The following RARB variants were observed in gnomAD, a reference collection of about 807,000 sequenced individuals.
RARB encodes HBV-activated protein.
A neutral mutation model predicts 51.9 loss-of-function variants in RARB; 17 were observed. The observed-to-expected ratio is 0.33, with a 90% CI of 0.22 to 0.49. The LOEUF (loss-of-function observed/expected upper bound fraction) is 0.49. Ranked by LOEUF, RARB falls within the 20% of genes least tolerant of loss-of-function variation. The pLI, the probability that RARB is intolerant of heterozygous loss-of-function variation, is 0.99. For missense variants in RARB, 369 were observed against 550.8 expected (o/e 0.67, Z 3.30); for synonymous variants, 215 against 195.4 (o/e 1.10, Z -0.84).
At chr3:24,926,713 G>A (rs1156727558) in intron 2 of RARB, among the ~76,000 whole-genome samples, 6 of 151,978 alleles carry the variant, frequency 3.9e-5, no homozygotes, top group Admixed American at 3.9e-4. Context: ...ATGACACCTG[G>A]ACAGGCATAT....
At chr3:24,934,433 TTC>T (rs1246109603) in intron 2 of RARB, among the ~76,000 whole-genome samples, 4 of 152,124 alleles carry the variant, frequency 2.6e-5, no homozygotes, top group African/African-American at 9.7e-5. Flanking sequence ...ACTTTTGTCT[TTC>T]TGAGTTACAC....
intron 5 of RARB, among the ~76,000 whole-genome samples, chr3:25,306,400 G>T (rs770336661): frequency 1.3e-5 from 2 of 151,918 alleles, no homozygotes; most frequent in Admixed American, 6.6e-5. Flanking sequence ...GGCCTTGAAT[G>T]ATTTTTTGTT....
At chr3:25,196,693 T>TA (rs1241273601) in intron 5 of RARB, among the ~76,000 whole-genome samples, 23 of 152,192 alleles carry the variant, frequency 1.5e-4, no homozygotes, top group Admixed American at 5.2e-4. Flanking sequence ...ACCAACAGTG[T>TA]AAAGTGTTCC....
Position 24,829,767 on chromosome 3 carries a change from A to G in RARB, c.-459+364A>G, listed in dbSNP as rs894356395. Reference sequence around the variant, plus strand: ...CCCTCCCCAGGGGCGTGAACCCAGGAGTCGCTGGCAAGTTGCACCTGCCAG... The same window carrying G: ...CCCTCCCCAGGGGCGTGAACCCAGGGGTCGCTGGCAAGTTGCACCTGCCAG... On this transcript the variant is annotated intron_variant, in intron 1 of 11. Coordinates refer to the RARB transcript ENST00000383772. Among the ~76,000 whole-genome samples, 6 of 152,172 alleles carry G rather than the reference A, an allele frequency of 3.9e-5. No homozygotes were observed. In the East Asian group the frequency reaches 1.2e-3, roughly 29 times the overall value.
chr3:24,943,272 G>C (rs543580888), intron 2 of RARB, among the ~76,000 whole-genome samples: 98 of 152,292 alleles, frequency 6.4e-4, no homozygotes, highest in Admixed American at 2.6e-3. Context: ...ACTTGGTGAA[G>C]GTTATTAAGA....
At chr3:24,943,825 A>C (rs1695719620) in intron 2 of RARB, among the ~76,000 whole-genome samples, 1 of 152,214 alleles carries the variant, frequency 6.6e-6, no homozygotes, top group African/African-American at 2.4e-5. Flanking sequence ...TTGAAAACTT[A>C]GCATTCAGTG....
chr3:25,404,205 C>G (rs1340546181), intron 5 of RARB, among the ~76,000 whole-genome samples: 1 of 152,168 alleles, frequency 6.6e-6, no homozygotes, highest in Non-Finnish European at 1.5e-5. Context: ...TTACTTCATT[C>G]TTTCCAGGGG....
chr3:24,876,939 C>A (rs565566510), intron 2 of RARB, among the ~76,000 whole-genome samples: 2 of 152,202 alleles, frequency 1.3e-5, no homozygotes, highest in Non-Finnish European at 2.9e-5. Flanking sequence ...CAAGAAAAAT[C>A]ATTTTATTAA....
At chr3:24,955,722 A>C (rs944028207) in intron 2 of RARB, among the ~76,000 whole-genome samples, 11 of 152,110 alleles carry the variant, frequency 7.2e-5, no homozygotes, top group Non-Finnish European at 1.6e-4. Context: ...GGGGATGTTA[A>C]CAATTTTTTT....
In RARB at chr3:25,221,483, T is replaced by C. The variant is rs148694435; in HGVS notation, c.178+46908T>C. On this transcript the variant is annotated intron_variant, in intron 5 of 11. Transcript: ENST00000383772. ...GTGGTAGTGATTATTCTTAGAAGTT[T>C]AATAAATAATCCTCCTTTGTCATCA... Among the ~76,000 whole-genome samples, 82 of 152,320 alleles carry C rather than the reference T, an allele frequency of 5.4e-4. 1 individual carries two copies. In the East Asian group the frequency reaches 0.011, roughly 21 times the overall value.
At chr3:25,336,649 A>C (rs2125448283) in intron 5 of RARB, among the ~76,000 whole-genome samples, 1 of 152,272 alleles carries the variant, frequency 6.6e-6, no homozygotes, top group African/African-American at 2.4e-5. Context: ...GGTACTTGAA[A>C]CAAATTCTCA....
At chr3:24,959,439 G>A (rs1269959376) in intron 2 of RARB, among the ~76,000 whole-genome samples, 1 of 152,140 alleles carries the variant, frequency 6.6e-6, no homozygotes, top group Non-Finnish European at 1.5e-5. Flanking sequence ...CCGGTGTTCA[G>A]CTGCTGCTTC....
intron 2 of RARB, among the ~76,000 whole-genome samples, chr3:24,998,686 T>C (rs1697095442): frequency 6.6e-6 from 1 of 152,176 alleles, no homozygotes; most frequent in African/African-American, 2.4e-5. Flanking sequence ...ACATTCCTTT[T>C]TTATATGTCT....
chr3:25,104,559 G>A (rs922219510), intron 3 of RARB, among the ~76,000 whole-genome samples: 8 of 152,152 alleles, frequency 5.3e-5, no homozygotes, highest in Non-Finnish European at 1.2e-4. Context: ...TAGGAGGATT[G>A]CTTGAGCCTA....
At chr3:25,425,841 C>G (rs140820624), upstream of RARB, among the ~76,000 whole-genome samples, 279 of 152,330 alleles carry the variant, frequency 1.8e-3, 1 homozygote, top group African/African-American at 6.3e-3. Context: ...CTTCACTTCC[C>G]TGGGACCAGT....
intron 5 of RARB, among the ~76,000 whole-genome samples, chr3:25,410,627 G>A (rs938394617): frequency 4.6e-5 from 7 of 152,124 alleles, no homozygotes; most frequent in East Asian, 1.9e-4. Context: ...TAGAAAACAC[G>A]GGGGTGTCTA....
intron 5 of RARB, among the ~76,000 whole-genome samples, chr3:25,186,611 C>T (rs916467332): frequency 2.0e-5 from 3 of 151,992 alleles, no homozygotes; most frequent in Non-Finnish European, 4.4e-5. Flanking sequence ...AAAATTTATA[C>T]ACCACGAACA....
chr3:25,455,907 G>A (rs746583535), intron 1 of RARB, among the ~76,000 whole-genome samples: 1 of 152,196 alleles, frequency 6.6e-6, no homozygotes, highest in Non-Finnish European at 1.5e-5. Flanking sequence ...AAGCAGATCC[G>A]AATTATTCCT....
chr3:25,037,259 CT>C lies in RARB; in HGVS notation c.-379-22852del, dbSNP rs35430060. Among the ~76,000 whole-genome samples, 390 of 143,664 alleles carry C rather than the reference CT, an allele frequency of 2.7e-3. 2 individuals are homozygous for C. Among genetic ancestry groups the C allele is most frequent in the East Asian group, 0.013 (64 of 4,904 alleles). 94.2% of individuals were successfully genotyped at this position (143,664 alleles called of 152,430 possible). A position where few individuals can be genotyped will look rare whatever the true frequency, so the allele number is the denominator to read the frequency against. Reference sequence around the variant, plus strand: ...GCACGTTTTAAAGGAATTTCACCAGCTTTTTTTTTTTTTTCCTGTTGGCCAT... The same window carrying C: ...GCACGTTTTAAAGGAATTTCACCAGCTTTTTTTTTTTTTCCTGTTGGCCAT... On this transcript the variant is annotated intron_variant, in intron 2 of 11. Coordinates refer to the RARB transcript ENST00000383772.
Sources: gnomAD v4.1 joint callset for allele counts (sites outside exome capture counted in the v4.1 genomes callset) on GRCh38, gnomAD v4.1.1 for gene constraint, MANE v1.5 for transcripts, NCBI Gene and HGNC (gene_info 2026-07-23, HGNC 2026-07-21) for gene names.